Variants in ASIC2 observed in about 807,000 individuals in gnomAD.
ASIC2 encodes acid sensing ion channel subunit 2.
Under a neutral mutation model 57.3 loss-of-function variants are expected in ASIC2, and 25 were observed. That is an observed-to-expected ratio of 0.44 (90% CI 0.32 to 0.61). The LOEUF is 0.61. ASIC2 is among the 20% of genes least tolerant of loss of function. ASIC2 has a pLI of 0.06. For synonymous variants in ASIC2, 319 were observed against 307.5 expected, an observed-to-expected ratio of 1.04 and a Z score of -0.39; for missense variants, 641 against 738.1, an observed-to-expected ratio of 0.87 and a Z score of 1.52.
chr17:33,841,745 C>A (rs1208063737), intron 1 of ASIC2, among the ~76,000 whole-genome samples: 1 of 152,166 alleles, frequency 6.6e-6, no homozygotes, highest in Non-Finnish European at 1.5e-5. Context: ...TGGTCATCAT[C>A]ACAAGAAATA....
chr17:34,111,489 T>A (rs1911272766), intron 1 of ASIC2, among the ~76,000 whole-genome samples: 1 of 152,070 alleles, frequency 6.6e-6, no homozygotes, highest in East Asian at 1.9e-4. Flanking sequence ...ACTCTGACAT[T>A]CTACTTACGG....
At chr17:33,539,610 A>G (rs76442510) in intron 1 of ASIC2, among the ~76,000 whole-genome samples, 3 of 152,350 alleles carry the variant, frequency 2.0e-5, no homozygotes, top group East Asian at 3.9e-4. Flanking sequence ...TACAGACACC[A>G]ATAATTAAAA....
At chr17:33,144,311 T>G (rs1175636953) in intron 1 of ASIC2, among the ~76,000 whole-genome samples, 1 of 150,814 alleles carries the variant, frequency 6.6e-6, no homozygotes, top group Non-Finnish European at 1.5e-5. Flanking sequence ...GGGCCCATGG[T>G]GAGAGAGGGA....
intron 1 of ASIC2, among the ~76,000 whole-genome samples, chr17:33,126,182 G>A (rs1203590423): frequency 2.0e-5 from 3 of 152,172 alleles, no homozygotes; most frequent in African/African-American, 4.8e-5. Flanking sequence ...GAGGCATCAC[G>A]GACTCGTGAA....
At chr17:33,970,168 C>G (rs530044909) in intron 1 of ASIC2, among the ~76,000 whole-genome samples, 1 of 152,334 alleles carries the variant, frequency 6.6e-6, no homozygotes, top group South Asian at 2.1e-4. Context: ...CGTCCCTGGC[C>G]TCTACCCACT....
intron 1 of ASIC2, among the ~76,000 whole-genome samples, chr17:33,495,902 G>A (rs1477470260): frequency 6.6e-6 from 1 of 152,220 alleles, no homozygotes; most frequent in Non-Finnish European, 1.5e-5. Flanking sequence ...GCTGAAGGCA[G>A]ATGGGAACAT....
At chr17:34,061,829 A>G (rs866833316) in intron 1 of ASIC2, among the ~76,000 whole-genome samples, 57 of 152,198 alleles carry the variant, frequency 3.7e-4, no homozygotes, top group African/African-American at 1.3e-3. Flanking sequence ...AAATATTACA[A>G]TCCTAAACAT....
chr17:33,642,012 A>G (rs11656261), intron 1 of ASIC2, among the ~76,000 whole-genome samples: 7,257 of 152,214 alleles, frequency 0.048, 199 homozygotes, highest in South Asian at 0.12. Context: ...ATATATTTAT[A>G]GGGAGAAGAT....
intron 1 of ASIC2, among the ~76,000 whole-genome samples, chr17:33,768,032 G>A (rs1910985467): frequency 1.3e-5 from 2 of 149,386 alleles, no homozygotes; most frequent in South Asian, 4.2e-4. Flanking sequence ...TTTTTGAGAC[G>A]GAGTCTCACT....
intron 1 of ASIC2, among the ~76,000 whole-genome samples, chr17:33,188,690 A>C (rs1255750161): frequency 6.6e-6 from 1 of 152,164 alleles, no homozygotes; most frequent in South Asian, 2.1e-4. Flanking sequence ...CTGTTAACCT[A>C]AAATTATATA....
At chr17:33,981,981 G>A (rs951954458) in intron 1 of ASIC2, among the ~76,000 whole-genome samples, 2 of 152,190 alleles carry the variant, frequency 1.3e-5, no homozygotes, top group African/African-American at 4.8e-5. Context: ...CCGGAAGGTT[G>A]AGGAGCCTCA....
chr17:33,217,446 C>T (rs982583668), intron 1 of ASIC2, among the ~76,000 whole-genome samples: 13 of 152,340 alleles, frequency 8.5e-5, no homozygotes, highest in East Asian at 1.9e-4. Context: ...AGGCTCTGCA[C>T]GATTGCGTAG....
chr17:33,940,876 G>T (rs1216892823), intron 1 of ASIC2, among the ~76,000 whole-genome samples: 1 of 152,234 alleles, frequency 6.6e-6, no homozygotes, highest in Admixed American at 6.5e-5. Context: ...CCGCCCCGTG[G>T]CCTGCTCCCT....
chr17:33,352,777 T>C (rs1050148249), intron 1 of ASIC2, among the ~76,000 whole-genome samples: 1 of 152,340 alleles, frequency 6.6e-6, no homozygotes, highest in East Asian at 1.9e-4. Flanking sequence ...CACGTTCACC[T>C]GCTGCCTCTC....
chr17:33,895,026 C>T (rs914352635), intron 1 of ASIC2, among the ~76,000 whole-genome samples: 3 of 152,206 alleles, frequency 2.0e-5, no homozygotes, highest in Non-Finnish European at 4.4e-5. Flanking sequence ...TGACGTTGCG[C>T]TGCTGGGTTG....
intron 1 of ASIC2, among the ~76,000 whole-genome samples, chr17:33,889,667 C>A (rs1236601282): frequency 1.3e-5 from 2 of 152,180 alleles, no homozygotes; most frequent in African/African-American, 4.8e-5. Context: ...GATGTTCACA[C>A]CTGTCCTTAA....
chr17:33,465,504 G>A (rs144387067), intron 1 of ASIC2, among the ~76,000 whole-genome samples: 5,543 of 151,702 alleles, frequency 0.037, 275 homozygotes, highest in East Asian at 0.1. Flanking sequence ...CTCCCTAGTA[G>A]CTGGGATTAC....
chr17:33,419,146 C>A lies in ASIC2; in HGVS notation c.556-307079G>T, dbSNP rs888061506. On this transcript the variant is annotated intron_variant, in intron 1 of 9. Transcript: ENST00000359872. ...CATCAGAGAAAGAGGGAGCCCATGCCTTGTCTGGCAGAGACAGATGGGGAA... is the reference window on the plus strand; with the variant it reads ...CATCAGAGAAAGAGGGAGCCCATGCATTGTCTGGCAGAGACAGATGGGGAA... Among the ~76,000 whole-genome samples, 8 of 152,208 alleles carry A rather than the reference C, an allele frequency of 5.3e-5. No individual in the cohort carries two copies. The East Asian group carries it at 9.6e-4, about 18-fold the overall frequency.
chr17:33,988,491 T>C (rs1905901480), intron 1 of ASIC2, among the ~76,000 whole-genome samples: 1 of 152,234 alleles, frequency 6.6e-6, no homozygotes, highest in Admixed American at 6.5e-5. Flanking sequence ...CTCGGCCATG[T>C]GGAACTGTAA....
Sources: gnomAD v4.1 joint callset for allele counts (sites outside exome capture counted in the v4.1 genomes callset) on GRCh38, gnomAD v4.1.1 for gene constraint, MANE v1.5 for transcripts, NCBI Gene and HGNC (gene_info 2026-07-23, HGNC 2026-07-21) for gene names.